The following SYN3 variants were observed in gnomAD, a reference collection of about 807,000 sequenced individuals.
SYN3 encodes synapsin III, also known as synapsin-3.
SYN3 carries 35 observed loss-of-function variants against 65.8 expected under a neutral mutation model. The ratio of observed to expected loss-of-function variants is 0.53; its 90% CI spans 0.41 to 0.70. The LOEUF (loss-of-function observed/expected upper bound fraction) is 0.70. Among genes scored for constraint, SYN3 ranks in the 30% least tolerant of loss-of-function variants. The probability of loss-of-function intolerance (pLI) is 0.00; values close to 1 mark genes in which losing one functional copy is unlikely to be tolerated. For synonymous variants in SYN3, 270 were observed against 292.9 expected (o/e 0.92, Z 0.80); for missense variants, 680 against 749.0 (o/e 0.91, Z 1.08).
chr22:32,781,973 T>C (rs974224946), intron 6 of SYN3, among the ~76,000 whole-genome samples: 3 of 152,172 alleles, frequency 2.0e-5, no homozygotes, highest in African/African-American at 7.2e-5. Flanking sequence ...TGTTCTCCTC[T>C]TTCTATCTTC....
intron 7 of SYN3, among the ~76,000 whole-genome samples, chr22:32,572,634 G>C (rs1353015653): frequency 6.7e-6 from 1 of 149,878 alleles, no homozygotes; most frequent in Admixed American, 6.7e-5. Flanking sequence ...CCAGGCTGGA[G>C]TACAATGGTG....
In SYN3 at chr22:32,964,501, C is replaced by CT. The variant is rs1321638587; in HGVS notation, c.369+16143dup. Among the ~76,000 whole-genome samples, 3 of 151,070 alleles carry CT rather than the reference C, an allele frequency of 2.0e-5. No individual in the cohort carries two copies. In the East Asian group the frequency reaches 5.9e-4, roughly 30 times the overall value. ...CTGAGAACATGGATCTGAAAAATTG[C>CT]TTTAGGCTGTAAGAAGCAGGTCATT... On this transcript the variant is annotated intron_variant, in intron 3 of 13. Coordinates refer to ENST00000358763, the MANE Select transcript of SYN3 (RefSeq NM_003490.4).
At position 32,572,104 on chromosome 22, in the gene SYN3, C is replaced by G. The variant is rs761283716; in HGVS notation, c.774+24570G>C. ...GAGGAGGCTTTAAGCGGGGAAGGTACTTAAGTTGGGTCTTGAAGTATGATT... is the reference window on the plus strand; with the variant it reads ...GAGGAGGCTTTAAGCGGGGAAGGTAGTTAAGTTGGGTCTTGAAGTATGATT... On this transcript the variant is annotated intron_variant, in intron 7 of 13. Coordinates refer to ENST00000358763, the MANE Select transcript of SYN3 (RefSeq NM_003490.4). Among the ~76,000 whole-genome samples, 6 of 151,882 alleles carry G rather than the reference C, an allele frequency of 4.0e-5. No homozygotes were observed. In the Middle Eastern group the frequency reaches 0.01, roughly 258 times the overall value.
At chr22:32,652,001 G>A (rs552432470) in intron 6 of SYN3, among the ~76,000 whole-genome samples, 1 of 152,144 alleles carries the variant, frequency 6.6e-6, no homozygotes, top group Non-Finnish European at 1.5e-5. Context: ...TATCCAAAAC[G>A]TTAATAGTGC....
rs1365708544 is a variant in SYN3, at chr22:32,801,541, GCGGCCCCGCCCCGTTACCCCTTGCCCC to G, written c.711+63347_711+63373del. On this transcript the variant is annotated intron_variant, in intron 6 of 13. Transcript: ENST00000358763. The surrounding 1 kb of genome is among the most constrained non-coding windows in gnomAD (Gnocchi z 4.7). ...CTATAAGGATCTGAACGATCCGGGGGCGGCCCCGCCCCGTTACCCCTTGCCCCCGGCCCCGCCCCCTTTTTGGAGGGC... is the reference window on the plus strand; with the variant it reads ...CTATAAGGATCTGAACGATCCGGGGGCGGCCCCGCCCCCTTTTTGGAGGGC... Among the ~76,000 whole-genome samples the G allele has an allele frequency of 2.0e-5, 3 of 152,194 alleles. No individual in the cohort carries two copies. Among genetic ancestry groups the G allele is most frequent in the African/African-American group, 7.2e-5 (3 of 41,474 alleles).
intron 6 of SYN3, among the ~76,000 whole-genome samples, chr22:32,701,254 A>G (rs1286869237): frequency 6.6e-6 from 1 of 152,252 alleles, no homozygotes; most frequent in East Asian, 1.9e-4. Context: ...ATGAATAATT[A>G]GCTGTTACAG....
chr22:32,753,640 G>A (rs1569197224), intron 6 of SYN3, among the ~76,000 whole-genome samples: 1 of 152,246 alleles, frequency 6.6e-6, no homozygotes, highest in Non-Finnish European at 1.5e-5. Context: ...TCTTTAAGAA[G>A]CCCCACACTC....
At chr22:32,528,083 A>G in intron 11 of SYN3, 78 bp from the exon 12 acceptor site, 2 of 1,121,406 alleles carry the variant, frequency 1.8e-6, no homozygotes, top group Non-Finnish European at 2.5e-6. Context: ...GCATTTATGA[A>G]GATCTTTTTA....
At chr22:32,844,175 G>A (rs901610105) in intron 6 of SYN3, among the ~76,000 whole-genome samples, 7 of 152,172 alleles carry the variant, frequency 4.6e-5, no homozygotes, top group Non-Finnish European at 1.5e-5. Flanking sequence ...CGGGGAAGAA[G>A]GGTCTGGATT....
intron 6 of SYN3, among the ~76,000 whole-genome samples, chr22:32,731,214 G>A (rs1406215862): frequency 6.6e-6 from 1 of 152,202 alleles, no homozygotes; most frequent in Non-Finnish European, 1.5e-5. Context: ...AGGGGAAAGA[G>A]TCTTGGGTTG....
At chr22:32,931,584 G>C in intron 3 of SYN3, 103 bp from the exon 4 acceptor site, 1 of 752,548 alleles carries the variant, frequency 1.3e-6, no homozygotes, top group Non-Finnish European at 2.3e-6. Flanking sequence ...CACCTTTAAA[G>C]CTCCCCTCAA....
chr22:33,009,267 T>C (rs1198865118), intron 1 of SYN3, among the ~76,000 whole-genome samples: 1 of 152,192 alleles, frequency 6.6e-6, no homozygotes, highest in Non-Finnish European at 1.5e-5. Context: ...TTCCTCCACA[T>C]CCTTTCTCAC....
At chr22:32,625,845 A>G (rs1422098321) in intron 6 of SYN3, among the ~76,000 whole-genome samples, 3 of 152,230 alleles carry the variant, frequency 2.0e-5, no homozygotes, top group Non-Finnish European at 2.9e-5. Flanking sequence ...CAAGAGCAAG[A>G]CACATTTTTG....
intron 3 of SYN3, among the ~76,000 whole-genome samples, chr22:32,971,427 G>A (rs2052015497): frequency 6.6e-6 from 1 of 152,196 alleles, no homozygotes; most frequent in South Asian, 2.1e-4. Context: ...AAATCTTGCA[G>A]GATTGTGTTA....
At chr22:32,737,928 A>G (rs2061355202) in intron 6 of SYN3, among the ~76,000 whole-genome samples, 1 of 152,148 alleles carries the variant, frequency 6.6e-6, no homozygotes, top group African/African-American at 2.4e-5. Flanking sequence ...GCTCCAGAGG[A>G]TGTGGTGGCC....
chr22:32,549,901 T>C (rs909689111), intron 7 of SYN3, among the ~76,000 whole-genome samples: 4 of 100,100 alleles, frequency 4.0e-5, no homozygotes, highest in African/African-American at 1.5e-4. Context: ...AAAAAAAAAA[T>C]GCAATGAAGG....
At chr22:32,709,290 G>A (rs377458735) in intron 6 of SYN3, among the ~76,000 whole-genome samples, 1 of 152,166 alleles carries the variant, frequency 6.6e-6, no homozygotes, top group Non-Finnish European at 1.5e-5. Context: ...CAACTTGAAC[G>A]GCATCAAACC....
At chr22:32,964,523 C>A (rs1311498133) in intron 3 of SYN3, among the ~76,000 whole-genome samples, 1 of 151,622 alleles carries the variant, frequency 6.6e-6, no homozygotes, top group African/African-American at 2.4e-5. Context: ...AGAAGCAGGT[C>A]ATTTTTCAAG....
chr22:33,029,199 G>A (rs902018820), intron 1 of SYN3, among the ~76,000 whole-genome samples: 2 of 150,890 alleles, frequency 1.3e-5, no homozygotes, highest in African/African-American at 2.4e-5. Context: ...TTAAGAGACG[G>A]GGTCTCACTT....
Sources: gnomAD v4.1 joint callset for allele counts (sites outside exome capture counted in the v4.1 genomes callset) on GRCh38, gnomAD v4.1.1 for gene constraint, Gnocchi (gnomAD v3.1) non-coding constraint, MANE v1.5 for transcripts, NCBI Gene and HGNC (gene_info 2026-07-23, HGNC 2026-07-21) for gene names.